BICC1: variants seen among roughly 807,000 people sequenced by gnomAD.
The protein encoded by BICC1 is protein bicaudal C homolog 1.
A neutral mutation model predicts 111.0 loss-of-function variants in BICC1; 43 were observed. The ratio of observed to expected loss-of-function variants is 0.39; its 90% CI spans 0.30 to 0.50. The LOEUF is 0.50. Ranked by LOEUF, BICC1 falls within the 20% of genes least tolerant of loss-of-function variation. The pLI, the probability that BICC1 is intolerant of heterozygous loss-of-function variation, is 0.88. For missense variants in BICC1, 1,091 were observed against 1,203.2 expected (o/e 0.91, Z 1.38); for synonymous variants, 467 against 434.4 (o/e 1.07, Z -0.93).
intron 2 of BICC1, among the ~76,000 whole-genome samples, chr10:58,622,737 C>CAGAA (rs1218243564): frequency 6.6e-6 from 1 of 152,188 alleles, no homozygotes; most frequent in Non-Finnish European, 1.5e-5. Context: ...TTTGACTGGA[C>CAGAA]AGAAGTAGAC....
intron 2 of BICC1, among the ~76,000 whole-genome samples, chr10:58,635,023 GA>G (rs1837913767): frequency 6.6e-6 from 1 of 152,066 alleles, no homozygotes. Context: ...AGAGGCAAAA[GA>G]AAATCTGTGG....
chr10:58,752,873 G>A (rs1408565035), intron 3 of BICC1, among the ~76,000 whole-genome samples: 1 of 152,168 alleles, frequency 6.6e-6, no homozygotes, highest in Non-Finnish European at 1.5e-5. Context: ...GAGGTCAGCA[G>A]TGCAGGCTGG....
chr10:58,651,984 C>G (rs918219160), intron 2 of BICC1, among the ~76,000 whole-genome samples: 1 of 151,878 alleles, frequency 6.6e-6, no homozygotes, highest in African/African-American at 2.4e-5. Context: ...ATGGAACCAC[C>G]CAGAGGGCCA....
intron 15 of BICC1, among the ~76,000 whole-genome samples, chr10:58,804,581 C>A (rs2132889982): frequency 6.6e-6 from 1 of 152,274 alleles, no homozygotes; most frequent in South Asian, 2.1e-4. Context: ...GATGTATTTT[C>A]AGTTAATATG....
chr10:58,754,373 G>A (rs912556518), intron 3 of BICC1, among the ~76,000 whole-genome samples: 37 of 152,292 alleles, frequency 2.4e-4, no homozygotes, highest in South Asian at 4.1e-4. Flanking sequence ...AAGACTGAAC[G>A]AATGTAGCAA....
chr10:58,650,373 A>G (rs948852036), intron 2 of BICC1: 3 of 152,182 alleles, frequency 2.0e-5, no homozygotes, highest in Non-Finnish European at 4.4e-5. Context: ...AGTGACCAGA[A>G]CTTTATGGAA....
intron 3 of BICC1, among the ~76,000 whole-genome samples, chr10:58,751,423 G>A (rs964226411): frequency 3.3e-5 from 5 of 152,118 alleles, no homozygotes; most frequent in Non-Finnish European, 5.9e-5. Flanking sequence ...AAATATAAAT[G>A]TTAAAAACTA....
At chr10:58,577,060 A>C (rs1033653113) in intron 1 of BICC1, among the ~76,000 whole-genome samples, 1 of 152,166 alleles carries the variant, frequency 6.6e-6, no homozygotes, top group African/African-American at 2.4e-5. Flanking sequence ...GAGACAGAGA[A>C]AGCAACTTTG....
intron 2 of BICC1, among the ~76,000 whole-genome samples, chr10:58,693,889 G>T (rs904483004): frequency 1.8e-4 from 27 of 152,032 alleles, no homozygotes; most frequent in African/African-American, 5.8e-4. Context: ...GTCAATTTTG[G>T]CTTTTGTTGC....
In BICC1 at chr10:58,829,036, C is replaced by CA. The variant is rs1844481951; in HGVS notation, c.*150dup. 3.5e-6 allele frequency: 3 copies of CA among 864,388 alleles called. No individual in the cohort carries two copies. Among genetic ancestry groups the CA allele is most frequent in the Non-Finnish European group, 5.1e-6 (3 of 583,088 alleles). The allele number at this position is 864,388 out of a possible 1,614,324, so 53.5% of individuals were successfully genotyped here. A position where few individuals can be genotyped will look rare whatever the true frequency, so the allele number is the denominator to read the frequency against. On this transcript the variant is annotated 3_prime_UTR_variant, in exon 21 of 21. Transcript: ENST00000373886. Reference sequence around the variant, plus strand: ...TTTTATTCGCACCTGTACTTTATGGCAAAAAGGAAGAAGAGAGAGAAGATG... The same window carrying CA: ...TTTTATTCGCACCTGTACTTTATGGCAAAAAAGGAAGAAGAGAGAGAAGATG...
At chr10:58,793,323 C>T (rs1028030290) in intron 8 of BICC1, among the ~76,000 whole-genome samples, 161 bp from the exon 9 acceptor site, 1 of 152,184 alleles carries the variant, frequency 6.6e-6, no homozygotes, top group Non-Finnish European at 1.5e-5. Context: ...TAATGCCACA[C>T]CTGTCCTCTA....
At chr10:58,728,409 A>G (rs1175286804) in intron 3 of BICC1, among the ~76,000 whole-genome samples, 1 of 152,136 alleles carries the variant, frequency 6.6e-6, no homozygotes, top group Non-Finnish European at 1.5e-5. Flanking sequence ...TTATCCTGAG[A>G]TTGCAGAAAT....
chr10:58,737,904 T>C (rs1841525132), intron 3 of BICC1, among the ~76,000 whole-genome samples: 1 of 152,240 alleles, frequency 6.6e-6, no homozygotes, highest in Admixed American at 6.5e-5. Context: ...AAGTGTCTGT[T>C]CATATCCTTC....
intron 1 of BICC1, among the ~76,000 whole-genome samples, chr10:58,529,134 G>T (rs528743048): frequency 4.6e-4 from 70 of 152,012 alleles, no homozygotes; most frequent in Middle Eastern, 6.8e-3. Flanking sequence ...AGACTTGTTG[G>T]TGTTAACATA....
At chr10:58,623,766 A>C (rs11006209) in intron 2 of BICC1, among the ~76,000 whole-genome samples, 53,559 of 151,906 alleles carry the variant, frequency 0.35, 10,483 homozygotes, top group East Asian at 0.47. Context: ...AGAATATTGA[A>C]GAGAGGCACG....
Position 58,525,337 on chromosome 10 carries a change from A to G in BICC1, c.190+12004A>G, listed in dbSNP as rs1289716529. Among the ~76,000 whole-genome samples the G allele has an allele frequency of 3.5e-5, 4 of 114,130 alleles. 1 individual carries two copies. Among genetic ancestry groups the G allele is most frequent in the African/African-American group, 5.5e-5 (2 of 36,470 alleles). The allele number at this position is 114,130 out of a possible 152,430, so 74.9% of individuals were successfully genotyped here. ...CCAAATGTCCATCAATGATAGACTG[A>G]ATTAAGAAAATGTGGCACATATACA... On this transcript the variant is annotated intron_variant, in intron 1 of 20. Coordinates refer to ENST00000373886, the MANE Select transcript of BICC1 (RefSeq NM_001080512.3).
intron 3 of BICC1, among the ~76,000 whole-genome samples, chr10:58,784,433 A>G (rs1258972391): frequency 1.3e-5 from 2 of 152,110 alleles, no homozygotes; most frequent in African/African-American, 2.4e-5. Context: ...TTTTTTTTCT[A>G]TTAGCCTTCA....
At chr10:58,623,379 A>G (rs1457528785) in intron 2 of BICC1, among the ~76,000 whole-genome samples, 1 of 152,156 alleles carries the variant, frequency 6.6e-6, no homozygotes, top group Non-Finnish European at 1.5e-5. Context: ...CTTATTATAC[A>G]CTTCTTCCAT....
chr10:58,632,653 G>T (rs747391279), intron 2 of BICC1, among the ~76,000 whole-genome samples: 2 of 152,180 alleles, frequency 1.3e-5, no homozygotes, highest in Non-Finnish European at 2.9e-5. Flanking sequence ...CAGTTTCTGA[G>T]CAGGGGGCAG....
Sources: gnomAD v4.1 joint callset for allele counts (sites outside exome capture counted in the v4.1 genomes callset) on GRCh38, gnomAD v4.1.1 for gene constraint, MANE v1.5 for transcripts, NCBI Gene and HGNC (gene_info 2026-07-23, HGNC 2026-07-21) for gene names.